Variants in CYP19A1 observed in about 807,000 individuals in gnomAD.
CYP19A1 encodes cytochrome P450 family 19 subfamily A member 1, also known as aromatase.
A neutral mutation model predicts 44.4 loss-of-function variants in CYP19A1; 32 were observed. That is an observed-to-expected ratio of 0.72 (90% CI 0.54 to 0.97). The LOEUF (loss-of-function observed/expected upper bound fraction) is 0.97, where lower values mean the gene tolerates loss of function less well. Among genes scored for constraint, CYP19A1 ranks in the 50% least tolerant of loss-of-function variants. The pLI is 0.00. For synonymous variants in CYP19A1, 212 were observed against 215.6 expected, an observed-to-expected ratio of 0.98 and a Z score of 0.14; for missense variants, 598 against 637.8, an observed-to-expected ratio of 0.94 and a Z score of 0.67.
intron 1 of CYP19A1, among the ~76,000 whole-genome samples, chr15:51,259,775 A>G (rs1342407141): frequency 2.0e-5 from 3 of 152,212 alleles, no homozygotes; most frequent in Non-Finnish European, 4.4e-5. Flanking sequence ...GAAAGCCAGT[A>G]TGAGTGGGCA....
At chr15:51,282,225 C>A (rs959935410) in intron 1 of CYP19A1, among the ~76,000 whole-genome samples, 22 of 152,140 alleles carry the variant, frequency 1.4e-4, no homozygotes, top group African/African-American at 5.3e-4. Flanking sequence ...CCCTAAGATA[C>A]AACACTTCAT....
intron 1 of CYP19A1, among the ~76,000 whole-genome samples, chr15:51,304,098 C>T (rs956795888): frequency 6.6e-6 from 1 of 152,176 alleles, no homozygotes; most frequent in Non-Finnish European, 1.5e-5. Context: ...TTAGAAACAA[C>T]GGTGCTCTCA....
At chr15:51,316,197 A>T (rs2036423548) in intron 1 of CYP19A1, 1 of 152,212 alleles carries the variant, frequency 6.6e-6, no homozygotes, top group Non-Finnish European at 1.5e-5. Context: ...ATTCTATGAA[A>T]AAAATATGTT....
chr15:51,256,137 G>A (rs574309849), intron 1 of CYP19A1, among the ~76,000 whole-genome samples: 86 of 152,330 alleles, frequency 5.6e-4, no homozygotes, highest in African/African-American at 1.9e-3. Context: ...TGGAAGAAGC[G>A]TGTCTGTACA....
chr15:51,237,103 G>A (rs1391467201), intron 2 of CYP19A1, 94 bp from the exon 3 acceptor site: 3 of 1,390,570 alleles, frequency 2.2e-6, no homozygotes, highest in Non-Finnish European at 2.0e-6. Flanking sequence ...TTATAGCTAA[G>A]TGTTCTTTAC....
At chr15:51,301,436 T>C (rs2036109960) in intron 1 of CYP19A1, among the ~76,000 whole-genome samples, 1 of 152,198 alleles carries the variant, frequency 6.6e-6, no homozygotes, top group African/African-American at 2.4e-5. Context: ...GGGCTACACC[T>C]CCAAGACCAA....
intron 1 of CYP19A1, among the ~76,000 whole-genome samples, chr15:51,305,649 C>T (rs1417324975): frequency 1.3e-5 from 2 of 152,264 alleles, no homozygotes; most frequent in East Asian, 3.9e-4. Context: ...CAACCTCTGC[C>T]TCCTGGGTTC....
chr15:51,314,642 C>A (rs999101249), intron 1 of CYP19A1, among the ~76,000 whole-genome samples: 2 of 152,196 alleles, frequency 1.3e-5, no homozygotes, highest in African/African-American at 2.4e-5. Context: ...CATTGTTTAG[C>A]CTGGAATGTC....
chr15:51,305,415 C>T (rs111826537), intron 1 of CYP19A1, among the ~76,000 whole-genome samples: 10 of 152,212 alleles, frequency 6.6e-5, no homozygotes, highest in African/African-American at 2.4e-4. Context: ...TGACCTTGAG[C>T]TGTGAAGCAC....
intron 1 of CYP19A1, among the ~76,000 whole-genome samples, chr15:51,328,790 A>G (rs2036654240): frequency 6.6e-6 from 1 of 152,190 alleles, no homozygotes; most frequent in African/African-American, 2.4e-5. Context: ...GAGTTGGAGT[A>G]AAGCAGATTG....
intron 1 of CYP19A1, among the ~76,000 whole-genome samples, chr15:51,313,573 G>A (rs980226762): frequency 6.6e-6 from 1 of 152,308 alleles, no homozygotes; most frequent in African/African-American, 2.4e-5. Flanking sequence ...GAGGTGGGGG[G>A]ATCACTTGAG....
In CYP19A1 at chr15:51,248,933, C is replaced by G. The variant is rs143864908; in HGVS notation, c.-38-5983G>C. Among the ~76,000 whole-genome samples, 461 of 140,404 alleles carry G rather than the reference C, an allele frequency of 3.3e-3. 4 individuals are homozygous for G. The highest frequency in any genetic ancestry group is 0.012 in the African/African-American group (447 of 38,430). 92.1% of individuals were successfully genotyped at this position (140,404 alleles called of 152,430 possible). On this transcript the variant is annotated intron_variant, in intron 1 of 9. Transcript: ENST00000396402. ...TTGTCTACAAGACTTTCAAATTCATCTTTTTTTTTTTTTTTTTAGACAGAG... is the reference window on the plus strand; with the variant it reads ...TTGTCTACAAGACTTTCAAATTCATGTTTTTTTTTTTTTTTTTAGACAGAG...
At chr15:51,288,413 C>A (rs979128676) in intron 1 of CYP19A1, among the ~76,000 whole-genome samples, 2 of 152,186 alleles carry the variant, frequency 1.3e-5, no homozygotes, top group Non-Finnish European at 2.9e-5. Context: ...TGAGTCACAG[C>A]TTCTCCACCA....
At chr15:51,304,732 C>T (rs528315618) in intron 1 of CYP19A1, among the ~76,000 whole-genome samples, 1 of 152,110 alleles carries the variant, frequency 6.6e-6, no homozygotes, top group African/African-American at 2.4e-5. Flanking sequence ...GACCATGTCT[C>T]TTTGTCTCTT....
chr15:51,234,887 G>A (rs753438733), intron 3 of CYP19A1, among the ~76,000 whole-genome samples: 4 of 152,156 alleles, frequency 2.6e-5, no homozygotes, highest in Middle Eastern at 3.2e-3. Context: ...AGGGTGAGAG[G>A]CACGGCACTG....
Position 51,210,874 on chromosome 15 carries a change from A to C in CYP19A1, c.1446T>G (p.Asp482Glu), listed in dbSNP as rs773615609. ...QKIHDLSLHP[D>E]ETKNMLEMIF... ...TCATTTCCAGCATGTTTTTAGTCTC[A>C]TCTGGGTGCAAGGACAAGTCGTGTA... Residue 482 changes from aspartate to glutamate, a missense_variant, in exon 10 of 10, where the codon GAT becomes GAG. Asp to Glu is a conservative substitution (Grantham distance 45, BLOSUM62 2). Transcript: ENST00000396402. 2 of 1,589,814 alleles carry C rather than the reference A, an allele frequency of 1.3e-6. No homozygotes were observed. The highest frequency in any genetic ancestry group is 4.5e-5 in the East Asian group (2 of 44,768).
intron 1 of CYP19A1, among the ~76,000 whole-genome samples, chr15:51,291,901 T>C (rs915981518): frequency 1.1e-4 from 17 of 151,648 alleles, no homozygotes; most frequent in African/African-American, 4.1e-4. Flanking sequence ...AGGAAGAAAG[T>C]AGAAAAAAAG....
intron 1 of CYP19A1, among the ~76,000 whole-genome samples, chr15:51,272,134 T>C (rs1000682715): frequency 6.6e-6 from 1 of 152,226 alleles, no homozygotes; most frequent in African/African-American, 2.4e-5. Context: ...CTACACACCG[T>C]GAGTGCCAAC....
chr15:51,244,219 A>C (rs548527160), intron 1 of CYP19A1, among the ~76,000 whole-genome samples: 2 of 152,360 alleles, frequency 1.3e-5, no homozygotes, highest in Non-Finnish European at 2.9e-5. Flanking sequence ...TCAGATTCTT[A>C]AGGAGTATGT....
Sources: gnomAD v4.1 joint callset for allele counts (sites outside exome capture counted in the v4.1 genomes callset) on GRCh38, gnomAD v4.1.1 for gene constraint, MANE v1.5 for transcripts, NCBI Gene and HGNC (gene_info 2026-07-23, HGNC 2026-07-21) for gene names.